Variants in SIRPG observed in about 807,000 individuals in gnomAD.
SIRPG encodes the protein signal regulatory protein gamma.
SIRPG carries 38 observed loss-of-function variants against 35.7 expected under a neutral mutation model. The observed-to-expected ratio is 1.06, with a 90% CI of 0.82 to 1.40. The LOEUF (loss-of-function observed/expected upper bound fraction) is 1.40. SIRPG is among the 40% of genes most tolerant of loss of function. The pLI, the probability that SIRPG is intolerant of heterozygous loss-of-function variation, is 0.00. For synonymous variants in SIRPG, 215 were observed against 190.4 expected, an observed-to-expected ratio of 1.13 and a Z score of -1.06; for missense variants, 519 against 483.0, an observed-to-expected ratio of 1.07 and a Z score of -0.70.
the SIRPG span, among the ~76,000 whole-genome samples, chr20:1,672,300 G>A: frequency 6.6e-6 from 1 of 152,066 alleles, no homozygotes; most frequent in Non-Finnish European, 1.5e-5. Flanking sequence ...TCTCTCTGAG[G>A]TATTTATGAA....
At chr20:1,648,293 A>C (rs2091912242) in intron 2 of SIRPG, 1 of 152,226 alleles carries the variant, frequency 6.6e-6, no homozygotes, top group Non-Finnish European at 1.5e-5. Context: ...GCCCACAGTG[A>C]CTGTATGACT....
In SIRPG at chr20:1,636,446, C is replaced by G; in HGVS notation, c.490G>C (p.Val164Leu). The G allele has an allele frequency of 1.2e-6, 2 of 1,614,242 alleles. No individual in the cohort carries two copies. Among genetic ancestry groups the G allele is most frequent in the Non-Finnish European group, 1.7e-6 (2 of 1,180,042 alleles). The change falls in exon 3 of 6, where the codon GTG (valine) becomes CTG (leucine). Residue 164 changes from valine (V) to leucine (L), a missense_variant. Transcript: ENST00000303415. ...CCATGGGACTCACAGGTGAAACTCA[C>G]TGTATGCTCAGGTGTGGTCCTCGCC... Reference protein sequence around the residue: ...PAARTTPEHTVSFTCESHGFS... With the variant: ...PAARTTPEHTLSFTCESHGFS...
intron 5 of SIRPG, among the ~76,000 whole-genome samples, 198 bp downstream of exon 5, chr20:1,630,024 C>G (rs547596135): frequency 6.6e-6 from 1 of 152,314 alleles, no homozygotes; most frequent in Admixed American, 6.5e-5. Flanking sequence ...GAACACATTT[C>G]AAGCATCCCA....
rs1423634389 is a variant in SIRPG at position 1,635,587 on chromosome 20, A to C, written c.761T>G (p.Leu254Trp). Residue 254 changes from leucine (L) to tryptophan (W), a missense_variant, in exon 4 of 6, where the codon TTG (leucine) becomes TGG (tryptophan). Coordinates refer to ENST00000303415, the MANE Select transcript of SIRPG (RefSeq NM_018556.4). ...LSEAIRVPPT[L>W]EVTQQPMRVG... is the part of the protein sequence containing the mutation. ...CCTCATGGGCTGTTGAGTAACCTCC[A>C]AGGTGGGTGGAACTGAAACAGCACA... 1 of 1,614,100 alleles carries C rather than the reference A, an allele frequency of 6.2e-7. No individual in the cohort carries two copies. The highest frequency in any genetic ancestry group is 2.2e-5 in the East Asian group (1 of 44,890).
At chr20:1,670,437 G>A in the SIRPG span, among the ~76,000 whole-genome samples, 1 of 152,182 alleles carries the variant, frequency 6.6e-6, no homozygotes, top group African/African-American at 2.4e-5. Context: ...CACAGTAGGT[G>A]CTCAAGGACT....
the SIRPG span, among the ~76,000 whole-genome samples, chr20:1,668,919 C>T: frequency 6.6e-6 from 1 of 152,242 alleles, no homozygotes; most frequent in South Asian, 2.1e-4. Flanking sequence ...CTTCACTCTT[C>T]CAGCAGGCAG....
At chr20:1,665,024 T>C in the SIRPG span, among the ~76,000 whole-genome samples, 1 of 152,072 alleles carries the variant, frequency 6.6e-6, no homozygotes, top group East Asian at 1.9e-4. Flanking sequence ...TCTTCTCACC[T>C]CCCCAGCAGG....
At chr20:1,650,004 G>GTATGTATGTATATATATATA in intron 1 of SIRPG, among the ~76,000 whole-genome samples, 1 of 98,820 alleles carries the variant, frequency 1.0e-5, no homozygotes, top group South Asian at 3.6e-4. Context: ...TTTGAAGTGT[G>GTATGTATGTATATATATATA]TATATATATA....
the SIRPG span, among the ~76,000 whole-genome samples, chr20:1,663,228 G>C: frequency 1.4e-4 from 22 of 152,160 alleles, no homozygotes. Context: ...CAGGAGAATG[G>C]CGTGAACCTG....
chr20:1,643,750 G>T (rs1039167063), intron 2 of SIRPG, among the ~76,000 whole-genome samples: 4 of 152,172 alleles, frequency 2.6e-5, no homozygotes, highest in African/African-American at 9.7e-5. Flanking sequence ...CTTGGATGGG[G>T]TTTTTGTGGG....
intron 2 of SIRPG, among the ~76,000 whole-genome samples, chr20:1,640,582 T>C (rs890670519): frequency 6.6e-6 from 1 of 152,212 alleles, no homozygotes; most frequent in Non-Finnish European, 1.5e-5. Flanking sequence ...CCTCTCTTCT[T>C]ATTTGAATAC....
chr20:1,665,591 G>A, the SIRPG span, among the ~76,000 whole-genome samples: 4 of 152,252 alleles, frequency 2.6e-5, no homozygotes, highest in East Asian at 3.9e-4. Flanking sequence ...CCCATCTCCC[G>A]GTGCCAGGCT....
At chr20:1,683,828 G>A in the SIRPG span, among the ~76,000 whole-genome samples, 2 of 152,082 alleles carry the variant, frequency 1.3e-5, no homozygotes, top group Admixed American at 6.5e-5. Flanking sequence ...AATTAGCCGG[G>A]CATGGTGGCG....
chr20:1,671,066 C>T, the SIRPG span: 1 of 426,558 alleles, frequency 2.3e-6, no homozygotes. Flanking sequence ...CCTGAGAGCT[C>T]ATTCCTATTT....
chr20:1,666,152 A>C, the SIRPG span, among the ~76,000 whole-genome samples: 1 of 152,156 alleles, frequency 6.6e-6, no homozygotes, highest in Admixed American at 6.5e-5. Context: ...AAAGTTCTAA[A>C]CTAGCAAAAA....
upstream of SIRPG, chr20:1,657,787 G>C (rs1034550792): frequency 5.0e-6 from 7 of 1,393,280 alleles, no homozygotes; most frequent in East Asian, 2.3e-5. Flanking sequence ...TCTGAAGACA[G>C]AAGACAAGCC....
chr20:1,640,211 T>C (rs1438832474), intron 2 of SIRPG, among the ~76,000 whole-genome samples: 1 of 151,204 alleles, frequency 6.6e-6, no homozygotes, highest in African/African-American at 2.4e-5. Context: ...AATTACTTTT[T>C]CATGACATTC....
At chr20:1,634,839 C>A (rs377472849) in intron 4 of SIRPG, among the ~76,000 whole-genome samples, 1 of 151,610 alleles carries the variant, frequency 6.6e-6, no homozygotes, top group Admixed American at 6.6e-5. Flanking sequence ...GTCAGGAGAT[C>A]GAGACCATCC....
chr20:1,636,497 A>C lies in SIRPG; in HGVS notation c.439T>G (p.Ser147Ala). 1 of 1,614,098 alleles carries C rather than the reference A, an allele frequency of 6.2e-7. No homozygotes were observed. Among genetic ancestry groups the C allele is most frequent in the Non-Finnish European group, 8.5e-7 (1 of 1,179,928 alleles). The change falls in exon 3 of 6, where the codon TCT becomes GCT. Residue 147 changes from serine to alanine, a missense_variant. Coordinates refer to ENST00000303415, the MANE Select transcript of SIRPG (RefSeq NM_018556.4). ...GCAGGGCCCAATACCACGGGGGCAG[A>C]GGGTTTGGCTACAAAAGGGGCATCG... ...GTEMALGAKPSAPVVLGPAAR... is the reference protein window; with the variant it reads ...GTEMALGAKPAAPVVLGPAAR...
Sources: gnomAD v4.1 joint callset for allele counts (sites outside exome capture counted in the v4.1 genomes callset) on GRCh38, gnomAD v4.1.1 for gene constraint, MANE v1.5 for transcripts, NCBI Gene and HGNC (gene_info 2026-07-23, HGNC 2026-07-21) for gene names.